ADGRL4: variants seen among roughly 807,000 people sequenced by gnomAD.
ADGRL4 encodes the protein adhesion G protein-coupled receptor L4.
ADGRL4 carries 90 observed loss-of-function variants against 74.8 expected under a neutral mutation model. The ratio of observed to expected loss-of-function variants is 1.20; its 90% CI spans 1.02 to 1.43. The LOEUF is 1.43. ADGRL4 is among the 40% of genes most tolerant of loss of function. The pLI is 0.00. For missense variants in ADGRL4, 881 were observed against 814.3 expected, an observed-to-expected ratio of 1.08 and a Z score of -1.00; for synonymous variants, 311 against 279.2, an observed-to-expected ratio of 1.11 and a Z score of -1.14.
At chr1:78,946,031 T>G (rs1334130885) in intron 3 of ADGRL4, among the ~76,000 whole-genome samples, 1 of 152,072 alleles carries the variant, frequency 6.6e-6, no homozygotes, top group Non-Finnish European at 1.5e-5. Flanking sequence ...TCACTTTCTT[T>G]TATTTATTTA....
intron 2 of ADGRL4, among the ~76,000 whole-genome samples, chr1:78,972,268 A>C (rs528325279): frequency 1.3e-5 from 2 of 152,306 alleles, no homozygotes; most frequent in Admixed American, 6.5e-5. Flanking sequence ...AAAAAGCCTG[A>C]CTGGATTTTA....
intron 2 of ADGRL4, among the ~76,000 whole-genome samples, chr1:78,962,261 T>A (rs567918974): frequency 6.6e-6 from 1 of 152,154 alleles, no homozygotes; most frequent in South Asian, 2.1e-4. Context: ...TCCTTAGTGA[T>A]CACATACATT....
In ADGRL4 at chr1:78,891,528, C is replaced by G; in HGVS notation, c.2006G>C (p.Arg669Thr). 1.2e-6 allele frequency: 2 copies of G among 1,611,724 alleles called. No homozygotes were observed. Among genetic ancestry groups the G allele is most frequent in the Non-Finnish European group, 1.7e-6 (2 of 1,179,202 alleles). ...CCAAAATAAGAAATTGTTTACCTTT[C>G]TAGATAAAACACACAGGAATAAAAA... ...FIFLFLCVLS[R>T]KIQEEYYRLF... The change falls in exon 14 of 15, where the codon AGA becomes ACA. Residue 669 changes from arginine (R) to threonine (T), a missense_variant. Physicochemically the swap from Arg to Thr is moderately conservative, Grantham distance 71. Transcript: ENST00000370742.
chr1:78,987,945 G>C (rs1440968704), intron 2 of ADGRL4, among the ~76,000 whole-genome samples: 2 of 151,404 alleles, frequency 1.3e-5, no homozygotes, highest in Non-Finnish European at 3.0e-5. Context: ...TAGATTTATA[G>C]TAAAGTAATA....
chr1:78,926,036 T>A (rs1195496782), intron 8 of ADGRL4, among the ~76,000 whole-genome samples: 1 of 152,096 alleles, frequency 6.6e-6, no homozygotes, highest in East Asian at 1.9e-4. Flanking sequence ...CTGCACTTTT[T>A]ATACATTTAG....
chr1:78,994,886 T>C (rs1650682619), intron 2 of ADGRL4, among the ~76,000 whole-genome samples: 1 of 152,206 alleles, frequency 6.6e-6, no homozygotes, highest in South Asian at 2.1e-4. Flanking sequence ...TGGATTTACT[T>C]CCTAGCTGAG....
In ADGRL4 at chr1:79,006,719, G is replaced by C; in HGVS notation, c.-65C>G. 2.1e-6 allele frequency: 3 copies of C among 1,400,626 alleles called. No individual in the cohort carries two copies. Among genetic ancestry groups the C allele is most frequent in the Non-Finnish European group, 2.8e-6 (3 of 1,077,534 alleles). The allele number at this position is 1,400,626 out of a possible 1,614,324, so 86.8% of individuals were successfully genotyped here. ...CGGAGTGAGTGCGGCTGTGGACCCG[G>C]GACCGGGCGCCGCTGGGCGGGCGCG... On this transcript the variant is annotated 5_prime_UTR_variant, in exon 1 of 15. Coordinates refer to ENST00000370742, the MANE Select transcript of ADGRL4 (RefSeq NM_022159.4).
intron 12 of ADGRL4, among the ~76,000 whole-genome samples, chr1:78,895,075 A>G (rs1431774635): frequency 1.3e-5 from 2 of 152,022 alleles, no homozygotes; most frequent in Non-Finnish European, 2.9e-5. Context: ...GAAAATGTTT[A>G]CATACTTATA....
chr1:78,951,955 T>A (rs1484190054), intron 2 of ADGRL4, among the ~76,000 whole-genome samples: 1 of 152,256 alleles, frequency 6.6e-6, no homozygotes, highest in African/African-American at 2.4e-5. Context: ...CATATGATTA[T>A]GTTATCTTCT....
chr1:78,997,575 A>G (rs1397120486), intron 2 of ADGRL4, among the ~76,000 whole-genome samples: 1 of 152,142 alleles, frequency 6.6e-6, no homozygotes, highest in Non-Finnish European at 1.5e-5. Context: ...CCTCTTCTAA[A>G]TTTTTGTAAT....
At chr1:78,891,490 A>C (rs1451351681) in intron 14 of ADGRL4, 34 bp downstream of exon 14, 3 of 1,593,082 alleles carry the variant, frequency 1.9e-6, no homozygotes, top group Non-Finnish European at 2.6e-6. Flanking sequence ...TTACATGAAT[A>C]TACTAGGAAC....
intron 2 of ADGRL4, among the ~76,000 whole-genome samples, chr1:78,973,741 T>C (rs867286775): frequency 1.3e-5 from 2 of 151,478 alleles, no homozygotes; most frequent in Non-Finnish European, 2.9e-5. Context: ...TTGCTTATTA[T>C]CCTTCTTAAC....
intron 2 of ADGRL4, among the ~76,000 whole-genome samples, chr1:78,976,345 T>C (rs1478941023): frequency 6.6e-6 from 1 of 151,920 alleles, no homozygotes; most frequent in Non-Finnish European, 1.5e-5. Flanking sequence ...AGATGGAAAA[T>C]AGGACATTGG....
intron 2 of ADGRL4, among the ~76,000 whole-genome samples, chr1:78,968,453 C>T (rs2100714913): frequency 7.6e-6 from 1 of 130,758 alleles, no homozygotes; most frequent in African/African-American, 2.9e-5. Flanking sequence ...TAAAACCAAC[C>T]TTTGATCAAC....
intron 6 of ADGRL4, among the ~76,000 whole-genome samples, 173 bp from the exon 7 acceptor site, chr1:78,936,584 C>A (rs762252350): frequency 8.5e-5 from 13 of 152,154 alleles, no homozygotes; most frequent in African/African-American, 1.7e-4. Flanking sequence ...TGTTAAAAAT[C>A]TGACTCAAGT....
chr1:78,948,722 GA>G (rs932556583), intron 2 of ADGRL4, among the ~76,000 whole-genome samples: 2 of 151,968 alleles, frequency 1.3e-5, no homozygotes, highest in Non-Finnish European at 2.9e-5. Context: ...GCATAAAATA[GA>G]AATTAAACTA....
chr1:78,945,315 G>A (rs1166184633), intron 3 of ADGRL4, among the ~76,000 whole-genome samples: 1 of 151,242 alleles, frequency 6.6e-6, no homozygotes, highest in East Asian at 1.9e-4. Flanking sequence ...GTTGCATGTA[G>A]GTTCCTGAAT....
chr1:78,897,317 T>G (rs914272595), intron 12 of ADGRL4, among the ~76,000 whole-genome samples: 4 of 152,120 alleles, frequency 2.6e-5, no homozygotes, highest in African/African-American at 9.7e-5. Context: ...TAAGTCAGTT[T>G]AGAGAGAATC....
chr1:78,942,635 TTTTATTAATAG>T (rs1439554707), intron 3 of ADGRL4, among the ~76,000 whole-genome samples: 8 of 151,994 alleles, frequency 5.3e-5, no homozygotes, highest in Non-Finnish European at 7.4e-5. Flanking sequence ...CTTAACTCAT[TTTTATTAATAG>T]GTGATGCTTG....
Sources: gnomAD v4.1 joint callset for allele counts (sites outside exome capture counted in the v4.1 genomes callset) on GRCh38, gnomAD v4.1.1 for gene constraint, MANE v1.5 for transcripts, NCBI Gene and HGNC (gene_info 2026-07-23, HGNC 2026-07-21) for gene names.